CCDC57: variants seen among roughly 807,000 people sequenced by gnomAD.
The protein encoded by CCDC57 is coiled-coil domain containing 57.
Under a neutral mutation model 118.9 loss-of-function variants are expected in CCDC57, and 118 were observed. That is an observed-to-expected ratio of 0.99 (90% CI 0.86 to 1.16). CCDC57 has a LOEUF of 1.16. CCDC57 is among the 50% of genes most tolerant of loss of function. The probability of loss-of-function intolerance (pLI) is 0.00; values close to 1 mark genes in which losing one functional copy is unlikely to be tolerated. For missense variants in CCDC57, 1,300 were observed against 1,320.7 expected (o/e 0.98, Z 0.24); for synonymous variants, 527 against 532.9 (o/e 0.99, Z 0.15).
At chr17:82,198,661 A>C (rs570476537) in intron 3 of CCDC57, among the ~76,000 whole-genome samples, 1 of 151,996 alleles carries the variant, frequency 6.6e-6, no homozygotes, top group South Asian at 2.1e-4. Context: ...CAAAATGTCC[A>C]GGATACAATT....
Position 82,163,118 on chromosome 17 carries a change from C to T in CCDC57, c.2040+82G>A, listed in dbSNP as rs570255659. ...ATGCCCGAGGTCACCTGGGGTCGCA[C>T]CGGGCAGCCGCTCAGAGCCCACGCG... On this transcript the variant is annotated intron_variant, in intron 14 of 19. Coordinates refer to ENST00000665763, the Ensembl canonical transcript of CCDC57. 1.5e-5 allele frequency: 23 copies of T among 1,539,658 alleles called. No homozygotes were observed. In the African/African-American group the frequency reaches 2.6e-4, roughly 17 times the overall value.
chr17:82,124,990 C>T (rs756867067), intron 19 of CCDC57, among the ~76,000 whole-genome samples: 3 of 152,140 alleles, frequency 2.0e-5, no homozygotes, highest in African/African-American at 4.8e-5. Context: ...CCTAAGAATC[C>T]TGAGCACAGA....
intron 2 of CCDC57, among the ~76,000 whole-genome samples, chr17:82,205,995 C>A (rs2049580775): frequency 6.6e-6 from 1 of 152,238 alleles, no homozygotes; most frequent in Non-Finnish European, 1.5e-5. Flanking sequence ...TTCAAAAGCA[C>A]GGACTCAGCA....
chr17:82,162,863 C>T (rs1340956482), intron 14 of CCDC57, among the ~76,000 whole-genome samples: 27 of 138,052 alleles, frequency 2.0e-4, no homozygotes, highest in Non-Finnish European at 3.3e-4. Flanking sequence ...CCCCTCTGAG[C>T]GGGCAGGTGG....
chr17:82,101,646 G>C, exon 20 of CCDC57: 1 of 1,511,018 alleles, frequency 6.6e-7, no homozygotes, highest in African/African-American at 1.4e-5. Flanking sequence ...CGGAGGCCCC[G>C]AGCACCCCTT....
chr17:82,150,684 T>C (rs1189410355), intron 16 of CCDC57, among the ~76,000 whole-genome samples: 11 of 36,338 alleles, frequency 3.0e-4, no homozygotes, highest in Non-Finnish European at 4.3e-4. Flanking sequence ...GACCCGCACC[T>C]AGAACCAGGC....
intron 13 of CCDC57, among the ~76,000 whole-genome samples, chr17:82,167,403 T>C (rs936321029): frequency 6.6e-6 from 1 of 150,598 alleles, no homozygotes; most frequent in Non-Finnish European, 1.5e-5. Flanking sequence ...CAGGCTGGAG[T>C]GCAGTGGCGC....
Position 82,193,959 on chromosome 17 carries a change from C to T in CCDC57, c.776+23G>A, listed in dbSNP as rs371498688. 4.1e-5 allele frequency: 66 copies of T among 1,599,046 alleles called. No individual in the cohort carries two copies. The African/African-American group carries it at 5.1e-4, about 12-fold the overall frequency. ...TGCGAGGCTGCCACAGAGCACGCCT[C>T]GGGAGATGAAGGACTCGCGCACCGG... On this transcript the variant is annotated intron_variant, in intron 6 of 19. Coordinates refer to ENST00000665763, the Ensembl canonical transcript of CCDC57.
At chr17:82,204,741 C>T (rs1599479257) in intron 2 of CCDC57, among the ~76,000 whole-genome samples, 1 of 152,204 alleles carries the variant, frequency 6.6e-6, no homozygotes, top group African/African-American at 2.4e-5. Flanking sequence ...TGAGATCGCA[C>T]CACTGCAGTC....
At chr17:82,176,847 GT>G (rs35550523) in intron 11 of CCDC57, among the ~76,000 whole-genome samples, 104,131 of 146,672 alleles carry the variant, frequency 0.71, 37,213 homozygotes, top group East Asian at 0.94. Context: ...GAAGATGAGG[GT>G]TTTTTTTTTT....
At chr17:82,101,557 C>T (rs2034454830) in exon 20 of CCDC57, 1 of 808,462 alleles carries the variant, frequency 1.2e-6, no homozygotes, top group Non-Finnish European at 1.9e-6. Context: ...TGGGAGCCTG[C>T]CCTGCAGCTC....
chr17:82,128,570 G>T, exon 18 of CCDC57: 1 of 1,571,284 alleles, frequency 6.4e-7, no homozygotes, highest in African/African-American at 1.4e-5. Flanking sequence ...TGTCTGGAAG[G>T]AGCCTCATCC....
intron 16 of CCDC57, among the ~76,000 whole-genome samples, chr17:82,134,541 C>T (rs2038886881): frequency 2.0e-5 from 3 of 152,218 alleles, no homozygotes; most frequent in South Asian, 2.1e-4. Context: ...CGTCTGTAAT[C>T]CCAGCACTTT....
chr17:82,128,370 G>T, intron 18 of CCDC57, 123 bp downstream of exon 17: 1 of 671,960 alleles, frequency 1.5e-6, no homozygotes, highest in Non-Finnish European at 2.5e-6. Flanking sequence ...AGTCCCTGAT[G>T]ACGGCACAAA....
At chr17:82,103,713 G>C (rs1486235368) in intron 19 of CCDC57, among the ~76,000 whole-genome samples, 5 of 152,208 alleles carry the variant, frequency 3.3e-5, no homozygotes, top group African/African-American at 1.2e-4. Context: ...AGCTGAGGGA[G>C]GGGGGTGAAG....
At chr17:82,184,528 C>A (rs555804544) in intron 8 of CCDC57, among the ~76,000 whole-genome samples, 1 of 152,380 alleles carries the variant, frequency 6.6e-6, no homozygotes, top group African/African-American at 2.4e-5. Flanking sequence ...ACTCAGGTAG[C>A]CACAGTACTA....
intron 2 of CCDC57, among the ~76,000 whole-genome samples, chr17:82,204,990 T>C (rs1352175791): frequency 6.6e-6 from 1 of 152,140 alleles, no homozygotes; most frequent in Non-Finnish European, 1.5e-5. Context: ...TTTCCTAACT[T>C]CCATCTCACG....
intron 17 of CCDC57, among the ~76,000 whole-genome samples, chr17:82,130,382 A>ATG (rs1001981855): frequency 4.0e-5 from 6 of 149,956 alleles, no homozygotes; most frequent in African/African-American, 1.5e-4. Context: ...TTCAGTAGAG[A>ATG]TGGAGTTTTG....
chr17:82,148,934 G>C (rs1235050303), intron 16 of CCDC57, among the ~76,000 whole-genome samples: 1 of 88,182 alleles, frequency 1.1e-5, no homozygotes, highest in Non-Finnish European at 2.3e-5. Context: ...GTGGATGGAT[G>C]GGTGGGTGGG....
Sources: gnomAD v4.1 joint callset for allele counts (sites outside exome capture counted in the v4.1 genomes callset) on GRCh38, gnomAD v4.1.1 for gene constraint, MANE v1.5 for transcripts, NCBI Gene and HGNC (gene_info 2026-07-23, HGNC 2026-07-21) for gene names.